Variants in SNTA1 observed in about 807,000 individuals in gnomAD.
The protein encoded by SNTA1 is alpha-1-syntrophin.
In SNTA1, 31 loss-of-function variants were observed where a neutral mutation model predicts 47.1. The ratio of observed to expected loss-of-function variants is 0.66; its 90% CI spans 0.49 to 0.89. The LOEUF is 0.89. Ranked by LOEUF, SNTA1 falls within the 40% of genes least tolerant of loss-of-function variation. The pLI is 0.00. For synonymous variants in SNTA1, 300 were observed against 313.6 expected, an observed-to-expected ratio of 0.96 and a Z score of 0.46; for missense variants, 575 against 693.0, an observed-to-expected ratio of 0.83 and a Z score of 1.91.
chr20:33,423,199 A>G (rs1990077387), intron 2 of SNTA1, among the ~76,000 whole-genome samples: 1 of 152,174 alleles, frequency 6.6e-6, no homozygotes, highest in Non-Finnish European at 1.5e-5. Flanking sequence ...AACATGCTAT[A>G]AATGGACAGC....
At chr20:33,419,885 G>GGGA (rs1396018616) in intron 2 of SNTA1, among the ~76,000 whole-genome samples, 1 of 152,062 alleles carries the variant, frequency 6.6e-6, no homozygotes, top group Non-Finnish European at 1.5e-5. Flanking sequence ...CAAAGTTGCT[G>GGGA]GGAGGGAGCT....
chr20:33,427,725 T>C (rs951178642), intron 2 of SNTA1, among the ~76,000 whole-genome samples: 1 of 152,106 alleles, frequency 6.6e-6, no homozygotes, highest in Non-Finnish European at 1.5e-5. Flanking sequence ...TTGTCCATCC[T>C]GCAAGAGGCT....
chr20:33,414,174 G>A (rs1429790232), intron 3 of SNTA1, among the ~76,000 whole-genome samples: 1 of 139,128 alleles, frequency 7.2e-6, no homozygotes, highest in Non-Finnish European at 1.5e-5. Context: ...GAAAGTGGAG[G>A]TTGTAGTGAG....
At chr20:33,439,586 G>C (rs1990530571) in intron 1 of SNTA1, among the ~76,000 whole-genome samples, 1 of 152,234 alleles carries the variant, frequency 6.6e-6, no homozygotes, top group South Asian at 2.1e-4. Context: ...GTGTTCACCA[G>C]TGTTTGTGCA....
rs1446269273 is a variant in SNTA1, at chr20:33,443,468, G to C, written c.153C>G (p.Pro51=). The change falls in exon 1 of 8, where the codon CCC becomes CCG. Residue 51 remains proline, a synonymous_variant. Transcript: ENST00000217381. ...TVSPADGDPG[P]EPGAPREQEP... ...CCTGCTCCCGCGGAGCGCCGGGCTC[G>C]GGACCAGGGTCGCCGTCGGCGGGGC... The C allele has an allele frequency of 3.6e-6, 5 of 1,371,564 alleles. No individual in the cohort carries two copies. Among genetic ancestry groups the C allele is most frequent in the Admixed American group, 5.4e-5 (2 of 36,920 alleles). The allele number at this position is 1,371,564 out of a possible 1,614,324, so 85.0% of individuals were successfully genotyped here.
intron 2 of SNTA1, among the ~76,000 whole-genome samples, chr20:33,426,031 G>A (rs1322199342): frequency 1.3e-5 from 2 of 151,528 alleles, no homozygotes; most frequent in Non-Finnish European, 2.9e-5. Context: ...AGCCAAGATC[G>A]TACCATGGCA....
intron 3 of SNTA1, among the ~76,000 whole-genome samples, chr20:33,415,793 A>C (rs775294310): frequency 1.5e-5 from 2 of 132,246 alleles, no homozygotes; most frequent in Non-Finnish European, 3.1e-5. Flanking sequence ...ACTCTGTCCC[A>C]AAAAAAAAAA....
At chr20:33,439,787 C>A (rs1447304905) in intron 1 of SNTA1, among the ~76,000 whole-genome samples, 3 of 152,064 alleles carry the variant, frequency 2.0e-5, no homozygotes, top group African/African-American at 7.2e-5. Context: ...TAGTTTGAGA[C>A]CAGCCTGGCC....
At position 33,421,251 on chromosome 20, in the gene SNTA1, CACTGTCTA is replaced by C. The variant is rs1421099711; in HGVS notation, c.497-3336_497-3329del. Among the ~76,000 whole-genome samples the C allele has an allele frequency of 2.6e-5, 4 of 152,158 alleles. No homozygotes were observed. The East Asian group carries it at 7.7e-4, about 29-fold the overall frequency. ...TCTTGGATTTGAATTCCAGCTCCAG[CACTGTCTA>C]ACTGTGTAACCATGGACAAGGTCAT... On this transcript the variant is annotated intron_variant, in intron 2 of 7. Transcript: ENST00000217381.
In SNTA1 at chr20:33,417,739, G is replaced by T; in HGVS notation, c.681C>A (p.Thr227=). The T allele has an allele frequency of 6.2e-7, 1 of 1,613,990 alleles. No individual in the cohort carries two copies. Among genetic ancestry groups the T allele is most frequent in the East Asian group, 2.2e-5 (1 of 44,880 alleles). ...LKMAYVSKRC[T]PNDPEPRYLE... ...CTTACCTGGGCTCCGGGTCATTGGGGGTGCACCTCTTCGAGACATATGCCA... is the reference window on the plus strand; with the variant it reads ...CTTACCTGGGCTCCGGGTCATTGGGTGTGCACCTCTTCGAGACATATGCCA... Residue 227 remains threonine, a synonymous_variant, in exon 3 of 8, where the codon ACC becomes ACA. Transcript: ENST00000217381.
chr20:33,430,293 T>C (rs917964357), intron 2 of SNTA1, among the ~76,000 whole-genome samples: 29 of 144,906 alleles, frequency 2.0e-4, no homozygotes, highest in Middle Eastern at 3.4e-3. Flanking sequence ...TTTTCTTTTT[T>C]TTTTTTTTTT....
chr20:33,419,658 A>C (rs1989971192), intron 2 of SNTA1, among the ~76,000 whole-genome samples: 1 of 152,050 alleles, frequency 6.6e-6, no homozygotes, highest in South Asian at 2.1e-4. Context: ...ACAGCCAAAA[A>C]CCATCTCCCC....
intron 2 of SNTA1, among the ~76,000 whole-genome samples, chr20:33,435,582 G>A (rs1056860447): frequency 5.3e-5 from 8 of 152,202 alleles, no homozygotes; most frequent in Admixed American, 3.9e-4. Context: ...AACAGAGTGA[G>A]ACCCTGCCTC....
Position 33,410,263 on chromosome 20 carries a change from G to T in SNTA1, c.1109C>A (p.Thr370Lys), listed in dbSNP as rs746227626. The T allele has an allele frequency of 5.6e-6, 9 of 1,612,770 alleles. No homozygotes were observed. Among genetic ancestry groups the T allele is most frequent in the Non-Finnish European group, 7.6e-6 (9 of 1,179,794 alleles). Residue 370 changes from threonine to lysine, a missense_variant, in exon 6 of 8, where the codon ACG (threonine) becomes AAG (lysine). By Grantham distance (78) the Thr-to-Lys change is moderately conservative (BLOSUM62 -1). Transcript: ENST00000217381. ...YDAELSFALR[T>K]GTRHGVDTHL... ...AGTGTCCACACCGTGACGCGTGCCCGTGCGCAGGGCAAAAGAGAGCTCTGC... is the reference window on the plus strand; with the variant it reads ...AGTGTCCACACCGTGACGCGTGCCCTTGCGCAGGGCAAAAGAGAGCTCTGC...
intron 3 of SNTA1, among the ~76,000 whole-genome samples, chr20:33,414,940 C>T (rs1429129947): frequency 1.3e-5 from 2 of 152,154 alleles, no homozygotes; most frequent in African/African-American, 2.4e-5. Context: ...AGTTTCTGTA[C>T]TTGCAGCCCA....
At chr20:33,439,048 A>G (rs759746463) in intron 1 of SNTA1, 22 bp from the exon 2 acceptor site, 1 of 1,609,716 alleles carries the variant, frequency 6.2e-7, no homozygotes, top group African/African-American at 1.3e-5. Flanking sequence ...CAGAAGGAGG[A>G]CAAGACTTAG....
At chr20:33,439,878 G>C (rs967217906) in intron 1 of SNTA1, among the ~76,000 whole-genome samples, 1 of 152,042 alleles carries the variant, frequency 6.6e-6, no homozygotes, top group Non-Finnish European at 1.5e-5. Context: ...CCAGCACTTT[G>C]GGAGGCCAAG....
chr20:33,443,447 C>G lies in SNTA1; in HGVS notation c.174G>C (p.Glu58Asp). The G allele has an allele frequency of 7.3e-7, 1 of 1,361,954 alleles. No individual in the cohort carries two copies. Among genetic ancestry groups the G allele is most frequent in the Non-Finnish European group, 9.5e-7 (1 of 1,056,222 alleles). 84.4% of individuals were successfully genotyped at this position (1,361,954 alleles called of 1,614,324 possible). Reference sequence around the variant, plus strand: ...CGCCGTTGAGCTGCGCGGGCTCCTGCTCCCGCGGAGCGCCGGGCTCGGGAC... The same window carrying G: ...CGCCGTTGAGCTGCGCGGGCTCCTGGTCCCGCGGAGCGCCGGGCTCGGGAC... ...DPGPEPGAPR[E>D]QEPAQLNGAA... The change falls in exon 1 of 8, where the codon GAG becomes GAC. Residue 58 changes from glutamate to aspartate, a missense_variant. Physicochemically the swap from Glu to Asp is conservative, Grantham distance 45. Coordinates refer to ENST00000217381, the MANE Select transcript of SNTA1 (RefSeq NM_003098.3).
At chr20:33,415,170 T>C (rs976229754) in intron 3 of SNTA1, among the ~76,000 whole-genome samples, 1 of 152,176 alleles carries the variant, frequency 6.6e-6, no homozygotes, top group Non-Finnish European at 1.5e-5. Flanking sequence ...CAAACACACA[T>C]GTACAAATCT....
Sources: allele counts gnomAD v4.1 joint callset (sites outside exome capture counted in the v4.1 genomes callset), GRCh38; gene constraint gnomAD v4.1.1; transcripts MANE v1.5; gene names NCBI Gene and HGNC (gene_info 2026-07-23, HGNC 2026-07-21).